The following SHTN1 variants were observed in gnomAD, a reference collection of about 807,000 sequenced individuals.
SHTN1 encodes shootin 1.
A neutral mutation model predicts 83.1 loss-of-function variants in SHTN1; 42 were observed. The observed-to-expected ratio is 0.51, with a 90% confidence interval of 0.39 to 0.65. SHTN1 has a LOEUF of 0.65. Among genes scored for constraint, SHTN1 ranks in the 30% least tolerant of loss-of-function variants. The pLI, the probability that SHTN1 is intolerant of heterozygous loss-of-function variation, is 0.00. For synonymous variants in SHTN1, 224 were observed against 247.7 expected (o/e 0.90, Z 0.90); for missense variants, 622 against 737.8 (o/e 0.84, Z 1.82).
chr10:117,021,580 A>G (rs1056617885), intron 2 of SHTN1, among the ~76,000 whole-genome samples: 2 of 152,212 alleles, frequency 1.3e-5, no homozygotes, highest in Non-Finnish European at 2.9e-5. Context: ...GTGATGTGCA[A>G]CCATCACCAC....
At chr10:116,961,724 TG>T (rs916504209) in intron 3 of SHTN1, among the ~76,000 whole-genome samples, 5 of 152,122 alleles carry the variant, frequency 3.3e-5, no homozygotes, top group Non-Finnish European at 7.4e-5. Context: ...TAAACAGGAT[TG>T]GAAGTGAAAA....
At chr10:116,969,690 C>A (rs562787547) in intron 2 of SHTN1, among the ~76,000 whole-genome samples, 1 of 152,234 alleles carries the variant, frequency 6.6e-6, no homozygotes, top group East Asian at 1.9e-4. Flanking sequence ...ACTATTAGAG[C>A]ATAAGGACCT....
intron 7 of SHTN1, among the ~76,000 whole-genome samples, chr10:116,946,218 C>T (rs1381789002): frequency 6.7e-6 from 1 of 148,308 alleles, no homozygotes; most frequent in Non-Finnish European, 1.5e-5. Context: ...ACATATTTAA[C>T]AAAACATTTA....
chr10:117,097,058 CACACAA>C (rs1564958275), intron 1 of SHTN1, among the ~76,000 whole-genome samples: 6 of 151,898 alleles, frequency 4.0e-5, no homozygotes, highest in African/African-American at 1.2e-4. Context: ...CACACACACA[CACACAA>C]AGGAAAAAGG....
At chr10:117,013,567 A>G (rs1193460645) in intron 2 of SHTN1, among the ~76,000 whole-genome samples, 1 of 152,214 alleles carries the variant, frequency 6.6e-6, no homozygotes, top group Non-Finnish European at 1.5e-5. Flanking sequence ...ACAATGATAT[A>G]ATACTATGTA....
chr10:116,890,832 A>G (rs1199041347), intron 16 of SHTN1, among the ~76,000 whole-genome samples: 4 of 152,248 alleles, frequency 2.6e-5, no homozygotes, highest in Non-Finnish European at 5.9e-5. Context: ...TGGCCATGCC[A>G]ACGCTGAACT....
chr10:117,046,355 A>G (rs1271630459), intron 2 of SHTN1, among the ~76,000 whole-genome samples: 1 of 152,218 alleles, frequency 6.6e-6, no homozygotes, highest in Non-Finnish European at 1.5e-5. Flanking sequence ...GAAGATGGCT[A>G]TAATAAAAAA....
chr10:117,062,929 A>G (rs1852924195), intron 1 of SHTN1, among the ~76,000 whole-genome samples: 1 of 152,224 alleles, frequency 6.6e-6, no homozygotes, highest in South Asian at 2.1e-4. Flanking sequence ...ATTACATGTA[A>G]CTAAGAACTC....
intron 1 of SHTN1, among the ~76,000 whole-genome samples, chr10:116,980,964 C>T (rs573491677): frequency 1.5e-4 from 23 of 152,254 alleles, no homozygotes; most frequent in African/African-American, 5.5e-4. Flanking sequence ...CAAAATAATC[C>T]TTGAAAACTA....
Position 116,946,609 on chromosome 10 carries a change from A to T in SHTN1, c.617-1591T>A, listed in dbSNP as rs965800312. 3.1e-5 allele frequency among the ~76,000 whole-genome samples: 3 copies of T among 96,348 alleles called. No individual in the cohort carries two copies. In the East Asian group the frequency reaches 1.1e-3, roughly 34 times the overall value. The allele number at this position is 96,348 out of a possible 152,430, so 63.2% of individuals were successfully genotyped here. ...TATATATAAATATATAAAATGATTT[A>T]TATATAAATATATAAAATGATTTAT... On this transcript the variant is annotated intron_variant, in intron 7 of 16. Transcript: ENST00000355371.
chr10:116,958,015 G>A (rs1850044754), intron 4 of SHTN1, among the ~76,000 whole-genome samples: 1 of 152,128 alleles, frequency 6.6e-6, no homozygotes, highest in Non-Finnish European at 1.5e-5. Flanking sequence ...AGCCAAGATG[G>A]CATCACGGCA....
intron 8 of SHTN1, among the ~76,000 whole-genome samples, chr10:116,942,500 A>G (rs1849417934): frequency 6.6e-6 from 1 of 152,308 alleles, no homozygotes; most frequent in East Asian, 1.9e-4. Flanking sequence ...GACGTGAGCC[A>G]CCATGCCTGG....
chr10:117,017,114 A>C (rs1852190611), intron 2 of SHTN1, among the ~76,000 whole-genome samples: 1 of 152,146 alleles, frequency 6.6e-6, no homozygotes, highest in African/African-American at 2.4e-5. Context: ...GAAAAGAAGA[A>C]AAGATGTAGG....
At chr10:117,038,652 C>T (rs1052161031) in intron 2 of SHTN1, among the ~76,000 whole-genome samples, 2 of 152,042 alleles carry the variant, frequency 1.3e-5, no homozygotes, top group African/African-American at 4.8e-5. Context: ...AGAAAACAAA[C>T]AACTCAGTGA....
intron 1 of SHTN1, among the ~76,000 whole-genome samples, chr10:116,996,565 T>A (rs1851634927): frequency 6.6e-6 from 1 of 152,194 alleles, no homozygotes; most frequent in African/African-American, 2.4e-5. Flanking sequence ...GATTTATAAA[T>A]CCTCTCAACT....
At chr10:116,948,115 C>T (rs1388663771) in intron 7 of SHTN1, among the ~76,000 whole-genome samples, 49 of 152,142 alleles carry the variant, frequency 3.2e-4, no homozygotes, top group Admixed American at 3.2e-3. Flanking sequence ...GTTCTTCTTA[C>T]CACTTCCAGA....
chr10:117,087,527 TAC>T (rs1382593996), intron 1 of SHTN1, among the ~76,000 whole-genome samples: 1 of 152,168 alleles, frequency 6.6e-6, no homozygotes, highest in Admixed American at 6.5e-5. Context: ...GAGTTAGTTA[TAC>T]ACATACAAAA....
At position 117,022,749 on chromosome 10, in the gene SHTN1, C is replaced by T. The variant is rs181011418; in HGVS notation, c.-123+25696G>A. Among the ~76,000 whole-genome samples, 240 of 152,182 alleles carry T rather than the reference C, an allele frequency of 1.6e-3. 1 individual carries two copies. The highest frequency in any genetic ancestry group is 6.8e-3 in the Middle Eastern group (2 of 294). On this transcript the variant is annotated intron_variant, in intron 2 of 17. Coordinates refer to the SHTN1 transcript ENST00000392901. ...CAGCCTGGCCAACATGGTGAAACTT[C>T]GTCTTTATTAAAAATACAAAAATTA...
chr10:117,017,635 G>T (rs577278206), intron 2 of SHTN1, among the ~76,000 whole-genome samples: 1 of 152,280 alleles, frequency 6.6e-6, no homozygotes, highest in East Asian at 1.9e-4. Context: ...TGTTATTTTA[G>T]ATTTCCAACT....
Sources: allele counts gnomAD v4.1 joint callset (sites outside exome capture counted in the v4.1 genomes callset), GRCh38; gene constraint gnomAD v4.1.1; transcripts MANE v1.5; gene names NCBI Gene and HGNC (gene_info 2026-07-23, HGNC 2026-07-21).